The following KCNG2 variants were observed in gnomAD, a reference collection of about 807,000 sequenced individuals.
KCNG2 encodes potassium voltage-gated channel modifier subfamily G member 2.
In KCNG2, 7 loss-of-function variants were observed where a neutral mutation model predicts 12.3. The ratio of observed to expected loss-of-function variants is 0.57; its 90% CI spans 0.32 to 1.07. The LOEUF is 1.07. KCNG2 is among the 50% of genes least tolerant of loss of function. KCNG2 has a pLI of 0.04. For synonymous variants in KCNG2, 414 were observed against 351.4 expected, an observed-to-expected ratio of 1.18 and a Z score of -1.99; for missense variants, 703 against 726.0, an observed-to-expected ratio of 0.97 and a Z score of 0.36.
intron 3 of KCNG2, among the ~76,000 whole-genome samples, chr18:79,876,937 G>A (rs1980097128): frequency 6.6e-6 from 1 of 152,238 alleles, no homozygotes; most frequent in Non-Finnish European, 1.5e-5. Flanking sequence ...AGGGGAAGCT[G>A]TGCCGATTTT....
chr18:79,809,367 T>G (rs867831666), intron 1 of KCNG2, among the ~76,000 whole-genome samples: 2 of 76,358 alleles, frequency 2.6e-5, no homozygotes, highest in African/African-American at 5.8e-5. Context: ...CTCCACGTTA[T>G]GGGCCCAGAG....
intron 1 of KCNG2, among the ~76,000 whole-genome samples, chr18:79,830,358 C>T (rs756855469): frequency 2.0e-5 from 3 of 152,224 alleles, no homozygotes; most frequent in South Asian, 2.1e-4. Flanking sequence ...CCAGACAGCC[C>T]GGTGGCAGGA....
Position 79,864,231 on chromosome 18 carries a change from C to T in KCNG2, c.564C>T (p.Ala188=). 2 of 1,552,370 alleles carry T rather than the reference C, an allele frequency of 1.3e-6. No homozygotes were observed. Among genetic ancestry groups the T allele is most frequent in the South Asian group, 1.1e-5 (1 of 88,788 alleles). The part of the protein sequence containing the change: ...LFACVSVSFV[A]VTAVGLCLST... ...CCTGCGTGTCCGTGTCCTTCGTGGCCGTCACGGCCGTGGGCCTCTGCCTGA... is the reference window on the plus strand; with the variant it reads ...CCTGCGTGTCCGTGTCCTTCGTGGCTGTCACGGCCGTGGGCCTCTGCCTGA... The change falls in exon 3 of 4, where the codon GCC becomes GCT. Residue 188 remains alanine, a synonymous_variant. Coordinates refer to ENST00000316249, the MANE Select transcript of KCNG2 (RefSeq NM_012283.2).
At chr18:79,814,081 A>G (rs550073486) in intron 1 of KCNG2, among the ~76,000 whole-genome samples, 2 of 152,354 alleles carry the variant, frequency 1.3e-5, no homozygotes, top group South Asian at 4.1e-4. Flanking sequence ...AGTGGCTGAA[A>G]TCAATAGAAA....
intron 3 of KCNG2, among the ~76,000 whole-genome samples, chr18:79,869,167 C>T (rs1237756289): frequency 3.3e-5 from 5 of 152,162 alleles, no homozygotes; most frequent in Admixed American, 1.3e-4. Context: ...CTGGATACCT[C>T]GGAGAATGAG....
At position 79,899,189 on chromosome 18, in the gene KCNG2, G is replaced by T; in HGVS notation, c.774G>T (p.Ala258=). ...RAPLNIIDIL[A]LLPFYVSLLL... ...CACTCAACATCATTGACATCCTGGC[G>T]CTCCTGCCGTTCTACGTGTCGCTGC... is the stretch of plus-strand genomic sequence containing the variant. Residue 258 remains alanine, a synonymous_variant, in exon 4 of 4, where the codon GCG becomes GCT. Coordinates refer to ENST00000316249, the MANE Select transcript of KCNG2 (RefSeq NM_012283.2). 6.2e-7 allele frequency: 1 copy of T among 1,603,756 alleles called. No homozygotes were observed.
At chr18:79,868,174 A>G (rs1177084273) in intron 3 of KCNG2, among the ~76,000 whole-genome samples, 4 of 152,204 alleles carry the variant, frequency 2.6e-5, no homozygotes, top group Admixed American at 2.6e-4. Flanking sequence ...AAGTCACCCC[A>G]GGAACACCAG....
At position 79,884,128 on chromosome 18, in the gene KCNG2, C is replaced by T. The variant is rs866653737; in HGVS notation, c.625-14912C>T. Reference sequence around the variant, plus strand: ...AGCCTCCCGCCTGCAATTTCCGTGGCACAGGCCGACCTCTCTCTGCCAGCA... The same window carrying T: ...AGCCTCCCGCCTGCAATTTCCGTGGTACAGGCCGACCTCTCTCTGCCAGCA... On this transcript the variant is annotated intron_variant, in intron 3 of 3. Transcript: ENST00000316249. The surrounding 1 kb of genome is among the most constrained non-coding windows in gnomAD (Gnocchi z 5.5). 1.4e-4 allele frequency among the ~76,000 whole-genome samples: 22 copies of T among 152,150 alleles called. No individual in the cohort carries two copies. The highest frequency in any genetic ancestry group is 5.3e-4 in the African/African-American group (22 of 41,438).
chr18:79,897,648 C>T (rs1981026726), intron 3 of KCNG2, among the ~76,000 whole-genome samples: 1 of 152,200 alleles, frequency 6.6e-6, no homozygotes, highest in Non-Finnish European at 1.5e-5. Flanking sequence ...CCTCCACATA[C>T]CCTGTCATTC....
chr18:79,863,552 C>T (rs1979305373), intron 2 of KCNG2, 76 bp from the exon 3 acceptor site: 4 of 1,087,104 alleles, frequency 3.7e-6, no homozygotes, highest in Non-Finnish European at 4.5e-6. Context: ...GCCGGCCCGG[C>T]CCCTGGATCC....
At chr18:79,845,208 T>G (rs1162121867) in intron 1 of KCNG2, among the ~76,000 whole-genome samples, 2 of 152,206 alleles carry the variant, frequency 1.3e-5, no homozygotes, top group East Asian at 3.9e-4. Flanking sequence ...ATAACATTCT[T>G]GAAATGACAA....
At chr18:79,847,626 C>G (rs1232047159) in intron 1 of KCNG2, among the ~76,000 whole-genome samples, 1 of 152,218 alleles carries the variant, frequency 6.6e-6, no homozygotes, top group Admixed American at 6.5e-5. Context: ...AATTTTAACT[C>G]AGAATGGTAA....
chr18:79,835,901 A>G (rs190607590), intron 1 of KCNG2, among the ~76,000 whole-genome samples: 1 of 152,246 alleles, frequency 6.6e-6, no homozygotes, highest in Non-Finnish European at 1.5e-5. Context: ...AACACAAGAG[A>G]TAAATCAAAA....
intron 1 of KCNG2, among the ~76,000 whole-genome samples, chr18:79,851,304 GA>G (rs1978807800): frequency 6.6e-6 from 1 of 152,200 alleles, no homozygotes; most frequent in African/African-American, 2.4e-5. Flanking sequence ...CTGTTCTCAA[GA>G]TATCGGGATA....
chr18:79,809,924 G>A (rs2087481837), intron 1 of KCNG2, among the ~76,000 whole-genome samples: 1 of 152,224 alleles, frequency 6.6e-6, no homozygotes, highest in Non-Finnish European at 1.5e-5. Context: ...ACTTTCCGGG[G>A]CTCATGGGGT....
intron 3 of KCNG2, among the ~76,000 whole-genome samples, chr18:79,877,885 C>T (rs1290935342): frequency 1.3e-5 from 2 of 152,262 alleles, no homozygotes; most frequent in South Asian, 4.1e-4. Context: ...GGTCACGGTC[C>T]CTGTGCCTGC....
At chr18:79,872,396 C>T (rs1410108591) in intron 3 of KCNG2, among the ~76,000 whole-genome samples, 1 of 145,274 alleles carries the variant, frequency 6.9e-6, no homozygotes, top group Non-Finnish European at 1.5e-5. Context: ...AGTGATTCTC[C>T]TGCCTCAGCC....
At chr18:79,810,808 A>C (rs960710613) in intron 1 of KCNG2, among the ~76,000 whole-genome samples, 2 of 152,196 alleles carry the variant, frequency 1.3e-5, no homozygotes, top group Non-Finnish European at 2.9e-5. Flanking sequence ...ACTAGAAGTA[A>C]ATATATGCAC....
Position 79,899,799 on chromosome 18 carries a change from G to C in KCNG2, c.1384G>C (p.Val462Leu). The change falls in exon 4 of 4, where the codon GTG becomes CTG. Residue 462 changes from valine (V) to leucine (L), a missense_variant. By Grantham distance (32) the Val-to-Leu change is conservative. Coordinates refer to ENST00000316249, the MANE Select transcript of KCNG2 (RefSeq NM_012283.2). ...LADDSADALW[V>L]RAGR is the part of the protein sequence containing the mutation. Reference sequence around the variant, plus strand: ...CGACGACTCCGCGGATGCGCTGTGGGTGCGGGCAGGGCGCTGACGCCTGCG... The same window carrying C: ...CGACGACTCCGCGGATGCGCTGTGGCTGCGGGCAGGGCGCTGACGCCTGCG... 7.0e-7 allele frequency: 1 copy of C among 1,422,650 alleles called. No individual in the cohort carries two copies. Among genetic ancestry groups the C allele is most frequent in the Non-Finnish European group, 9.1e-7 (1 of 1,096,644 alleles). The allele number at this position is 1,422,650 out of a possible 1,614,324, so 88.1% of individuals were successfully genotyped here.
Sources: gnomAD v4.1 joint callset for allele counts (sites outside exome capture counted in the v4.1 genomes callset) on GRCh38, gnomAD v4.1.1 for gene constraint, Gnocchi (gnomAD v3.1) non-coding constraint, MANE v1.5 for transcripts, NCBI Gene and HGNC (gene_info 2026-07-23, HGNC 2026-07-21) for gene names.